Variants in PLCB4 observed in about 807,000 individuals in gnomAD.
The protein encoded by PLCB4 is 1-phosphatidylinositol 4,5-bisphosphate phosphodiesterase beta-4.
Under a neutral mutation model 178.8 loss-of-function variants are expected in PLCB4, and 77 were observed. That is an observed-to-expected ratio of 0.43 (90% CI 0.36 to 0.52). The LOEUF is 0.52. Among genes scored for constraint, PLCB4 ranks in the 20% least tolerant of loss-of-function variants. The pLI, the probability that PLCB4 is intolerant of heterozygous loss-of-function variation, is 0.00. For synonymous variants in PLCB4, 496 were observed against 490.8 expected (o/e 1.01, Z -0.14); for missense variants, 1,024 against 1,453.4 (o/e 0.70, Z 4.80).
intron 2 of PLCB4, among the ~76,000 whole-genome samples, chr20:9,112,355 A>C (rs544606317): frequency 6.6e-6 from 1 of 151,812 alleles, no homozygotes; most frequent in South Asian, 2.1e-4. Context: ...CCTGGGTTCA[A>C]GTGGTTCTCC....
At chr20:9,146,209 G>T (rs1176240359) in intron 2 of PLCB4, among the ~76,000 whole-genome samples, 1 of 152,010 alleles carries the variant, frequency 6.6e-6, no homozygotes, top group Non-Finnish European at 1.5e-5. Context: ...TTTCGGTGGG[G>T]GTGCCTACAT....
At chr20:9,215,176 A>G (rs555844225) in intron 2 of PLCB4, among the ~76,000 whole-genome samples, 2 of 152,172 alleles carry the variant, frequency 1.3e-5, no homozygotes, top group South Asian at 4.1e-4. Flanking sequence ...TTGAGCATCT[A>G]CTCTGTGCCA....
intron 2 of PLCB4, among the ~76,000 whole-genome samples, chr20:9,135,325 T>C (rs892878129): frequency 5.9e-5 from 9 of 152,014 alleles, no homozygotes; most frequent in African/African-American, 2.2e-4. Flanking sequence ...ACCAGAACAA[T>C]TTGTACACCA....
chr20:9,465,574 A>C (rs1473834642), intron 35 of PLCB4, among the ~76,000 whole-genome samples: 3 of 152,252 alleles, frequency 2.0e-5, no homozygotes, highest in African/African-American at 7.2e-5. Context: ...CTGATAAGCA[A>C]CTTCAGCAAA....
chr20:9,438,562 G>A (rs2041923799), intron 30 of PLCB4, among the ~76,000 whole-genome samples: 1 of 151,948 alleles, frequency 6.6e-6, no homozygotes, highest in Non-Finnish European at 1.5e-5. Context: ...ATATCACTGA[G>A]GACAAGCTGT....
intron 3 of PLCB4, among the ~76,000 whole-genome samples, chr20:9,270,666 T>G (rs1039102822): frequency 2.0e-5 from 3 of 152,144 alleles, no homozygotes; most frequent in African/African-American, 7.2e-5. Flanking sequence ...CTCAGTGTTC[T>G]TTATTGATGA....
intron 13 of PLCB4, among the ~76,000 whole-genome samples, chr20:9,383,627 A>G (rs746204725): frequency 2.6e-5 from 4 of 152,236 alleles, no homozygotes; most frequent in Non-Finnish European, 5.9e-5. Context: ...CACCAGTCCC[A>G]TAACCTGACT....
rs1161982304 is a variant in PLCB4 at position 9,268,284 on chromosome 20, A to T, written c.-15-39516A>T. Among the ~76,000 whole-genome samples the T allele has an allele frequency of 2.0e-5, 3 of 152,214 alleles. No individual in the cohort carries two copies. In the East Asian group the frequency reaches 5.8e-4, roughly 29 times the overall value. Reference sequence around the variant, plus strand: ...ACCCATGGCTGGGTCTAGGGTCTTGATCAGTCTGATCATACTTGGTTTCTT... The same window carrying T: ...ACCCATGGCTGGGTCTAGGGTCTTGTTCAGTCTGATCATACTTGGTTTCTT... On this transcript the variant is annotated intron_variant, in intron 3 of 39. Transcript: ENST00000378473.
rs139217644 is a variant in PLCB4, at chr20:9,436,927, G to A, written c.2614-75G>A. 3.2e-4 allele frequency: 454 copies of A among 1,398,572 alleles called. 1 individual carries two copies. In the East Asian group the frequency reaches 0.01, roughly 32 times the overall value. 86.6% of individuals were successfully genotyped at this position (1,398,572 alleles called of 1,614,324 possible). On this transcript the variant is annotated intron_variant, in intron 29 of 39. Transcript: ENST00000378473. ...GTATGGTAGAAGTTTACTGGATTCA[G>A]TAAAATAAAGAATGTACAAGATATT... is the stretch of plus-strand genomic sequence containing the variant.
intron 28 of PLCB4, among the ~76,000 whole-genome samples, chr20:9,433,305 C>T (rs552313684): frequency 1.2e-4 from 18 of 152,266 alleles, no homozygotes; most frequent in African/African-American, 4.1e-4. Context: ...AGAGGGATTG[C>T]TTTAGACTAA....
At chr20:9,364,684 T>C (rs754656424) in intron 8 of PLCB4, among the ~76,000 whole-genome samples, 26 of 152,220 alleles carry the variant, frequency 1.7e-4, no homozygotes, top group Non-Finnish European at 3.5e-4. Flanking sequence ...AAGTAGTTAG[T>C]GGTGCTTCTA....
chr20:9,413,110 C>T (rs1045354247), intron 25 of PLCB4, among the ~76,000 whole-genome samples: 11 of 152,168 alleles, frequency 7.2e-5, no homozygotes, highest in Non-Finnish European at 1.5e-4. Context: ...TTAAGGACCC[C>T]AAGGAGTCAG....
Position 9,384,545 on chromosome 20 carries a change from G to A in PLCB4, c.1064+134G>A, listed in dbSNP as rs567972809. ...TTATTCCCTTTAATGGATTATCATG[G>A]TCATTTAACGTTGAGAAAAGAAGGA... is the stretch of plus-strand genomic sequence containing the variant. On this transcript the variant is annotated intron_variant, in intron 14 of 39. Transcript: ENST00000378473. 4.5e-4 allele frequency: 291 copies of A among 646,632 alleles called. 2 individuals are homozygous for A. In the South Asian group the frequency reaches 5.3e-3, roughly 12 times the overall value. 40.1% of individuals were successfully genotyped at this position (646,632 alleles called of 1,614,324 possible). A position where few individuals can be genotyped will look rare whatever the true frequency, so the allele number is the denominator to read the frequency against.
At chr20:9,478,853 G>T in intron 39 of PLCB4, 68 bp from the exon 40 acceptor site, 1 of 1,123,498 alleles carries the variant, frequency 8.9e-7, no homozygotes. Flanking sequence ...GAGAAGAGAG[G>T]CCAGGGTTGT....
chr20:9,327,191 T>C (rs1193962346), intron 4 of PLCB4, among the ~76,000 whole-genome samples: 1 of 151,148 alleles, frequency 6.6e-6, no homozygotes, highest in African/African-American at 2.5e-5. Flanking sequence ...ATGATCCCAG[T>C]GCTTTGGGAG....
At chr20:9,210,702 A>T (rs1347124645) in intron 2 of PLCB4, among the ~76,000 whole-genome samples, 1 of 152,170 alleles carries the variant, frequency 6.6e-6, no homozygotes, top group African/African-American at 2.4e-5. Context: ...ACTCTAAAAG[A>T]TCACCATGGA....
intron 2 of PLCB4, among the ~76,000 whole-genome samples, chr20:9,109,579 G>A (rs897891165): frequency 1.3e-5 from 2 of 151,422 alleles, no homozygotes; most frequent in Non-Finnish European, 2.9e-5. Context: ...ACATATTCTA[G>A]TGCTTATCAA....
chr20:9,259,516 TAAGA>T (rs527449973), intron 3 of PLCB4, among the ~76,000 whole-genome samples: 1 of 151,958 alleles, frequency 6.6e-6, no homozygotes, highest in South Asian at 2.1e-4. Flanking sequence ...TTTGGTGAAT[TAAGA>T]AAGAGAGGTT....
Position 9,293,281 on chromosome 20 carries a change from G to A in PLCB4, c.-15-14519G>A, listed in dbSNP as rs536184285. Among the ~76,000 whole-genome samples, 274 of 147,568 alleles carry A rather than the reference G, an allele frequency of 1.9e-3. 1 individual carries two copies. Among genetic ancestry groups the A allele is most frequent in the African/African-American group, 6.6e-3 (263 of 39,696 alleles). On this transcript the variant is annotated intron_variant, in intron 3 of 39. Transcript: ENST00000378473. ...GGAAAGGGAAGGAAAGGGAAGGGAA[G>A]GAAGGGAAAGAAAGAAGTCACTGCG...
Sources: gnomAD v4.1 joint callset for allele counts (sites outside exome capture counted in the v4.1 genomes callset) on GRCh38, gnomAD v4.1.1 for gene constraint, MANE v1.5 for transcripts, NCBI Gene and HGNC (gene_info 2026-07-23, HGNC 2026-07-21) for gene names.